OGDHL: variants seen among roughly 807,000 people sequenced by gnomAD.
The protein encoded by OGDHL is 2-oxoglutarate dehydrogenase-like, mitochondrial.
A neutral mutation model predicts 109.6 loss-of-function variants in OGDHL; 79 were observed. That is an observed-to-expected ratio of 0.72 (90% confidence interval 0.60 to 0.87). The LOEUF (loss-of-function observed/expected upper bound fraction) is 0.87. Ranked by LOEUF, OGDHL falls within the 40% of genes least tolerant of loss-of-function variation. OGDHL has a pLI of 0.00. For missense variants in OGDHL, 1,275 were observed against 1,362.2 expected, an observed-to-expected ratio of 0.94 and a Z score of 1.01; for synonymous variants, 528 against 537.2, an observed-to-expected ratio of 0.98 and a Z score of 0.24.
rs2132961136 is a variant in OGDHL at position 49,739,706 on chromosome 10, C to A, written c.2274G>T (p.Arg758=). The change falls in exon 17 of 23, where the codon CGG becomes CGT. Residue 758 remains arginine, a synonymous_variant. Transcript: ENST00000374103. The part of the protein sequence containing the change: ...FISTGQAKWV[R]HNGIVLLLPH... Reference sequence around the variant, plus strand: ...GCAGCAGCAGCACAATGCCATTATGCCGCACCCACTTGGCCTGGCCGGTGC... The same window carrying A: ...GCAGCAGCAGCACAATGCCATTATGACGCACCCACTTGGCCTGGCCGGTGC... 1 of 1,614,066 alleles carries A rather than the reference C, an allele frequency of 6.2e-7. No individual in the cohort carries two copies. The highest frequency in any genetic ancestry group is 1.3e-5 in the African/African-American group (1 of 75,042).
intron 13 of OGDHL, 28 bp from the exon 14 acceptor site, chr10:49,744,150 C>T (rs758699003): frequency 6.2e-7 from 1 of 1,610,912 alleles, no homozygotes; most frequent in Non-Finnish European, 8.5e-7. Context: ...TCTGTCCACA[C>T]TGTGTCAGTG....
chr10:49,752,134 T>G lies in OGDHL; in HGVS notation c.593A>C (p.Glu198Ala). ...LSLREIIRRL[E>A]NTYCQHIGLE... ...CCCCACACACCCGCCTGTGCTCACCTCCAGGCGCCGAATGATCTCCCGCAG... is the reference window on the plus strand; with the variant it reads ...CCCCACACACCCGCCTGTGCTCACCGCCAGGCGCCGAATGATCTCCCGCAG... Residue 198 changes from glutamate (E) to alanine (A), a missense_variant and splice_region_variant, in exon 5 of 23, where the codon GAG becomes GCG. Physicochemically the swap from Glu to Ala is moderately radical, Grantham distance 107 (BLOSUM62 -1). Transcript: ENST00000374103. The G allele has an allele frequency of 6.2e-7, 1 of 1,613,316 alleles. No individual in the cohort carries two copies. The highest frequency in any genetic ancestry group is 8.5e-7 in the Non-Finnish European group (1 of 1,179,368).
At chr10:49,746,935 C>A in intron 9 of OGDHL, 57 bp from the exon 10 acceptor site, 1 of 1,612,274 alleles carries the variant, frequency 6.2e-7, no homozygotes, top group Non-Finnish European at 8.5e-7. Context: ...GTAGCCCAGC[C>A]GGCACCTGTA....
chr10:49,744,528 T>TA, intron 13 of OGDHL, 122 bp downstream of exon 13: 1 of 753,126 alleles, frequency 1.3e-6, no homozygotes, highest in Non-Finnish European at 2.2e-6. Context: ...GACTCAGTGA[T>TA]AGAGCCTGCA....
chr10:49,750,548 T>C (rs746691447), intron 7 of OGDHL, among the ~76,000 whole-genome samples: 5 of 152,112 alleles, frequency 3.3e-5, no homozygotes, highest in Non-Finnish European at 7.4e-5. Context: ...CCTCAAGAAG[T>C]ATAGTGTACC....
chr10:49,736,256 C>T, intron 21 of OGDHL, 79 bp from the exon 22 acceptor site: 1 of 1,576,466 alleles, frequency 6.3e-7, no homozygotes, highest in Non-Finnish European at 8.6e-7. Context: ...AGGCACAGGG[C>T]CTCACCGGCC....
At chr10:49,742,717 T>A in intron 15 of OGDHL, 111 bp downstream of exon 15, 1 of 1,367,886 alleles carries the variant, frequency 7.3e-7, no homozygotes, top group South Asian at 1.4e-5. Flanking sequence ...GGGCAGGGGC[T>A]AGGGATGCTG....
chr10:49,738,031 G>T lies in OGDHL; in HGVS notation c.2433C>A (p.Cys811Ter). 6.2e-7 allele frequency: 1 copy of T among 1,614,206 alleles called. No individual in the cohort carries two copies. Among genetic ancestry groups the T allele is most frequent in the Non-Finnish European group, 8.5e-7 (1 of 1,180,042 alleles). ...KDFEVSQLYD[C>*]NWIVVNCSTP... ...TGGAGCAGTTGACCACGATCCAGTT[G>T]CAGTCATAGAGCTGGCTCACCTCGA... is the stretch of plus-strand genomic sequence containing the variant. The change falls in exon 19 of 23, where the codon TGC becomes TGA. Residue 811 changes from cysteine to a stop codon, truncating the protein, a stop_gained. Coordinates refer to ENST00000374103, the MANE Select transcript of OGDHL (RefSeq NM_018245.3). LOFTEE classifies it high-confidence loss of function.
At chr10:49,738,854 T>A (rs1841419191) in intron 17 of OGDHL, 1 of 153,456 alleles carries the variant, frequency 6.5e-6, no homozygotes, top group South Asian at 2.1e-4. Context: ...ACTGCACAGC[T>A]GCCACTTGCC....
chr10:49,750,667 C>T (rs1284340002), intron 7 of OGDHL, among the ~76,000 whole-genome samples, 172 bp downstream of exon 7: 6 of 152,164 alleles, frequency 3.9e-5, no homozygotes, highest in Non-Finnish European at 7.4e-5. Flanking sequence ...GCCAAGTACC[C>T]GGCAATTTCT....
chr10:49,746,782 T>C lies in OGDHL; in HGVS notation c.1264A>G (p.Asn422Asp). The C allele has an allele frequency of 4.3e-6, 7 of 1,614,142 alleles. No individual in the cohort carries two copies. Among genetic ancestry groups the C allele is most frequent in the Non-Finnish European group, 5.9e-6 (7 of 1,180,010 alleles). ...HLSDLPSYTT[N>D]GTVHVVVNNQ... ...TTGACGACGACGTGCACGGTACCAT[T>C]GGTCGTGTAGGAGGGCAGGTCGCTC... The change falls in exon 10 of 23, where the codon AAT becomes GAT. Residue 422 changes from asparagine to aspartate, a missense_variant. Transcript: ENST00000374103.
chr10:49,737,592 A>G (rs1042762520), intron 20 of OGDHL, among the ~76,000 whole-genome samples, 194 bp downstream of exon 20: 5 of 152,092 alleles, frequency 3.3e-5, no homozygotes, highest in South Asian at 2.1e-4. Flanking sequence ...CGCAACCCAC[A>G]TGACCTGAGC....
chr10:49,751,082 G>A (rs777465741), intron 6 of OGDHL, 97 bp from the exon 7 acceptor site: 4 of 1,175,492 alleles, frequency 3.4e-6, no homozygotes, highest in African/African-American at 3.1e-5. Context: ...AGAGCTGAAT[G>A]CTGAGGACAG....
At position 49,747,214 on chromosome 10, in the gene OGDHL, G is replaced by C; in HGVS notation, c.988-6C>G. On this transcript the variant is annotated splice_region_variant and splice_polypyrimidine_tract_variant and intron_variant, in intron 8 of 22. Coordinates refer to ENST00000374103, the MANE Select transcript of OGDHL (RefSeq NM_018245.3). ...TACTTGACATCCCCGGAGCCCTGAAGGTGGAGATGGGAACATGATGGATCC... is the reference window on the plus strand; with the variant it reads ...TACTTGACATCCCCGGAGCCCTGAACGTGGAGATGGGAACATGATGGATCC... 6.2e-7 allele frequency: 1 copy of C among 1,613,420 alleles called. No individual in the cohort carries two copies. Among genetic ancestry groups the C allele is most frequent in the Non-Finnish European group, 8.5e-7 (1 of 1,179,552 alleles).
chr10:49,735,251 C>A lies in OGDHL; in HGVS notation c.3010G>T (p.Ala1004Ser). ...KFLDTAFNLQ[A>S]FEGKTF ...CTCTAAAATGTCTTGCCCTCAAAGGCCTGGAGATTGAAGGCAGTATCCAGA... is the reference window on the plus strand; with the variant it reads ...CTCTAAAATGTCTTGCCCTCAAAGGACTGGAGATTGAAGGCAGTATCCAGA... Residue 1004 changes from alanine to serine, a missense_variant, in exon 23 of 23, where the codon GCC becomes TCC. Ala to Ser is a moderately conservative substitution (Grantham distance 99, BLOSUM62 1). Coordinates refer to ENST00000374103, the MANE Select transcript of OGDHL (RefSeq NM_018245.3). The A allele has an allele frequency of 6.2e-7, 1 of 1,614,086 alleles. No individual in the cohort carries two copies. Among genetic ancestry groups the A allele is most frequent in the Non-Finnish European group, 8.5e-7 (1 of 1,179,964 alleles).
chr10:49,745,293 G>C (rs756195748), intron 12 of OGDHL, 51 bp downstream of exon 12: 1 of 1,602,188 alleles, frequency 6.2e-7, no homozygotes. Flanking sequence ...CCCCTCTCCA[G>C]GGTCCCCACC....
intron 13 of OGDHL, 130 bp from the exon 14 acceptor site, chr10:49,744,252 C>T: frequency 8.2e-7 from 1 of 1,225,264 alleles, no homozygotes; most frequent in Non-Finnish European, 1.1e-6. Flanking sequence ...TCACCCTGAG[C>T]CCACCCTTGG....
chr10:49,746,849 G>C lies in OGDHL; in HGVS notation c.1197C>G (p.Ala399=). 6.2e-7 allele frequency: 1 copy of C among 1,614,142 alleles called. No individual in the cohort carries two copies. Among genetic ancestry groups the C allele is most frequent in the Non-Finnish European group, 8.5e-7 (1 of 1,180,020 alleles). Reference sequence around the variant, plus strand: ...ATACCACGCCCTGGCCAGCAAAGGCGGCGTCCCCATGAACCAGGATGGACA... The same window carrying C: ...ATACCACGCCCTGGCCAGCAAAGGCCGCGTCCCCATGAACCAGGATGGACA... ...KVMSILVHGD[A]AFAGQGVVYE... is the part of the protein sequence containing the mutation. The change falls in exon 10 of 23, where the codon GCC becomes GCG. Residue 399 remains alanine (A), a synonymous_variant. Coordinates refer to ENST00000374103, the MANE Select transcript of OGDHL (RefSeq NM_018245.3).
chr10:49,752,660 C>G lies in OGDHL; in HGVS notation c.456G>C (p.Leu152Phe), dbSNP rs778596201. The G allele has an allele frequency of 2.5e-6, 4 of 1,614,008 alleles. No individual in the cohort carries two copies. The Admixed American group carries it at 6.7e-5, about 27-fold the overall frequency. The change falls in exon 4 of 23, where the codon TTG becomes TTC. Residue 152 changes from leucine (L) to phenylalanine (F), a missense_variant. Leu to Phe is a conservative substitution (Grantham distance 22). Coordinates refer to ENST00000374103, the MANE Select transcript of OGDHL (RefSeq NM_018245.3). ...TACCCAGTTTATCAATGGTTGTGAT[C>G]AAGTCTGAGGGCACAAAGGAGTCCA... is the stretch of plus-strand genomic sequence containing the variant. ...ADLDSFVPSD[L>F]ITTIDKLAFY...
Sources: allele counts gnomAD v4.1 joint callset (sites outside exome capture counted in the v4.1 genomes callset), GRCh38; gene constraint gnomAD v4.1.1; transcripts MANE v1.5; gene names NCBI Gene and HGNC (gene_info 2026-07-23, HGNC 2026-07-21).